CACNA2D3: variants seen among roughly 807,000 people sequenced by gnomAD.
The protein encoded by CACNA2D3 is voltage-dependent calcium channel subunit alpha-2/delta-3.
CACNA2D3 carries 60 observed loss-of-function variants against 160.6 expected under a neutral mutation model. The ratio of observed to expected loss-of-function variants is 0.37; its 90% CI spans 0.30 to 0.46. CACNA2D3 has a LOEUF of 0.46. Ranked by LOEUF, CACNA2D3 falls within the 20% of genes least tolerant of loss-of-function variation. The pLI is 1.00. For missense variants in CACNA2D3, 1,205 were observed against 1,365.0 expected (o/e 0.88, Z 1.85); for synonymous variants, 558 against 492.9 (o/e 1.13, Z -1.75).
intron 4 of CACNA2D3, among the ~76,000 whole-genome samples, chr3:54,484,393 T>G (rs1226293950): frequency 6.6e-6 from 1 of 152,196 alleles, no homozygotes; most frequent in African/African-American, 2.4e-5. Context: ...TTATCACCTT[T>G]TTTTTCCTTT....
At chr3:54,989,945 C>G (rs530564855) in intron 31 of CACNA2D3, among the ~76,000 whole-genome samples, 123 of 152,262 alleles carry the variant, frequency 8.1e-4, no homozygotes, top group African/African-American at 2.8e-3. Context: ...AGTGCTTGCT[C>G]AGAGCATAAG....
chr3:54,556,607 A>C (rs1018532900), intron 5 of CACNA2D3, among the ~76,000 whole-genome samples: 1 of 152,142 alleles, frequency 6.6e-6, no homozygotes, highest in Non-Finnish European at 1.5e-5. Flanking sequence ...TAAACCTCTA[A>C]AAAGATGAGA....
chr3:54,809,187 CTTCCTTCT>C (rs1703216649), intron 13 of CACNA2D3, among the ~76,000 whole-genome samples: 1 of 151,316 alleles, frequency 6.6e-6, no homozygotes, highest in Admixed American at 6.6e-5. Context: ...TTCTTCCTTT[CTTCCTTCT>C]TTCTTCTCCT....
intron 4 of CACNA2D3, among the ~76,000 whole-genome samples, chr3:54,454,444 A>G (rs1265211552): frequency 6.6e-6 from 1 of 152,074 alleles, no homozygotes; most frequent in African/African-American, 2.4e-5. Context: ...AACTTTGCAT[A>G]TGGTATTTCA....
At chr3:54,692,329 C>G (rs1487771913) in intron 11 of CACNA2D3, among the ~76,000 whole-genome samples, 2 of 152,164 alleles carry the variant, frequency 1.3e-5, no homozygotes, top group Non-Finnish European at 2.9e-5. Flanking sequence ...CTTCCCTCCA[C>G]TAAGAATTCC....
chr3:54,564,662 G>A, intron 6 of CACNA2D3, among the ~76,000 whole-genome samples: 1 of 152,180 alleles, frequency 6.6e-6, no homozygotes, highest in East Asian at 1.9e-4. Context: ...TTAAGCAGAA[G>A]GAGTCTTTCT....
chr3:54,716,313 G>A (rs1166015894), intron 11 of CACNA2D3, among the ~76,000 whole-genome samples: 1 of 152,104 alleles, frequency 6.6e-6, no homozygotes, highest in Non-Finnish European at 1.5e-5. Flanking sequence ...AGAGACACAG[G>A]CCACAGTAGT....
intron 11 of CACNA2D3, among the ~76,000 whole-genome samples, chr3:54,724,165 C>T (rs183083480): frequency 1.4e-3 from 216 of 152,170 alleles, no homozygotes; most frequent in Middle Eastern, 0.01. Flanking sequence ...TTGAAAGAGA[C>T]AAAGAAGGGC....
intron 35 of CACNA2D3, among the ~76,000 whole-genome samples, chr3:55,071,211 C>T (rs1009662706): frequency 1.3e-5 from 2 of 151,954 alleles, no homozygotes; most frequent in African/African-American, 4.8e-5. Flanking sequence ...TATATTTTCC[C>T]CTTCTCCTGT....
intron 35 of CACNA2D3, among the ~76,000 whole-genome samples, chr3:55,036,762 G>A (rs1016875890): frequency 5.9e-5 from 9 of 152,088 alleles, no homozygotes; most frequent in African/African-American, 9.7e-5. Context: ...CACTGCGCTC[G>A]GCCGTGTTTT....
intron 11 of CACNA2D3, among the ~76,000 whole-genome samples, chr3:54,741,789 G>A (rs1314475345): frequency 6.6e-6 from 1 of 152,048 alleles, no homozygotes; most frequent in Non-Finnish European, 1.5e-5. Context: ...GATAGCCAGT[G>A]AGATAATTGT....
chr3:54,720,535 T>C (rs535597737), intron 11 of CACNA2D3, among the ~76,000 whole-genome samples: 2 of 152,218 alleles, frequency 1.3e-5, no homozygotes, highest in South Asian at 4.1e-4. Context: ...TTTTGGTTAA[T>C]GATCCTTGAG....
At chr3:54,501,816 A>G (rs189944412) in intron 4 of CACNA2D3, among the ~76,000 whole-genome samples, 43 of 152,324 alleles carry the variant, frequency 2.8e-4, no homozygotes, top group Non-Finnish European at 5.0e-4. Flanking sequence ...AGGCAAGTCT[A>G]CTGGCAACAG....
At position 54,760,598 on chromosome 3, in the gene CACNA2D3, G is replaced by A. The variant is rs557123608; in HGVS notation, c.1247-3620G>A. ...GGCTGTGAGGAGCCTAGACAAGGGG[G>A]AGAGGGATTTGTGGGGAGACTCTTG... On this transcript the variant is annotated intron_variant, in intron 12 of 37. Coordinates refer to ENST00000474759, the MANE Select transcript of CACNA2D3 (RefSeq NM_018398.3). 2.0e-5 allele frequency among the ~76,000 whole-genome samples: 3 copies of A among 152,310 alleles called. No individual in the cohort carries two copies. In the East Asian group the frequency reaches 5.8e-4, roughly 29 times the overall value.
rs1424521921 is a variant in CACNA2D3 at position 54,342,167 on chromosome 3, T to G, written c.321+21609T>G. Among the ~76,000 whole-genome samples the G allele has an allele frequency of 5.3e-5, 8 of 152,224 alleles. No individual in the cohort carries two copies. The East Asian group carries it at 1.5e-3, about 29-fold the overall frequency. ...ATGTAAAAGTACTATAGCAGTAGTA[T>G]AATATTACTGTCTCACCTAAACATA... On this transcript the variant is annotated intron_variant, in intron 3 of 37. Coordinates refer to ENST00000474759, the MANE Select transcript of CACNA2D3 (RefSeq NM_018398.3).
At chr3:54,697,980 G>A (rs62257065) in intron 11 of CACNA2D3, among the ~76,000 whole-genome samples, 2 of 152,028 alleles carry the variant, frequency 1.3e-5, no homozygotes, top group Non-Finnish European at 2.9e-5. Context: ...AATATGTTAC[G>A]TTAGCAACAC....
chr3:54,483,945 G>A (rs370738019), intron 4 of CACNA2D3, among the ~76,000 whole-genome samples: 16 of 152,258 alleles, frequency 1.1e-4, no homozygotes, highest in African/African-American at 2.9e-4. Context: ...AAAGTTGCCC[G>A]GAGCAACTCA....
intron 17 of CACNA2D3, among the ~76,000 whole-genome samples, chr3:54,868,914 G>A (rs1699463784): frequency 2.0e-5 from 3 of 152,184 alleles, no homozygotes; most frequent in Admixed American, 2.0e-4. Context: ...CTGGGAATGT[G>A]TTTGCCATTT....
chr3:54,963,921 C>T (rs1702088011), intron 27 of CACNA2D3, among the ~76,000 whole-genome samples: 1 of 152,158 alleles, frequency 6.6e-6, no homozygotes, highest in African/African-American at 2.4e-5. Flanking sequence ...AAGGAAGATA[C>T]TTTGTTGAAG....
Sources: allele counts gnomAD v4.1 joint callset (sites outside exome capture counted in the v4.1 genomes callset), GRCh38; gene constraint gnomAD v4.1.1; transcripts MANE v1.5; gene names NCBI Gene and HGNC (gene_info 2026-07-23, HGNC 2026-07-21).